The following RGS17 variants were observed in gnomAD, a reference collection of about 807,000 sequenced individuals.
RGS17 encodes the protein regulator of G-protein signaling 17.
RGS17 carries 12 observed loss-of-function variants against 25.5 expected under a neutral mutation model. The ratio of observed to expected loss-of-function variants is 0.47; its 90% CI spans 0.30 to 0.76. RGS17 has a LOEUF of 0.76. Among genes scored for constraint, RGS17 ranks in the 30% least tolerant of loss-of-function variants. RGS17 has a pLI of 0.07. For synonymous variants in RGS17, 71 were observed against 76.9 expected, an observed-to-expected ratio of 0.92 and a Z score of 0.40; for missense variants, 196 against 242.2, an observed-to-expected ratio of 0.81 and a Z score of 1.27.
In RGS17 at chr6:153,128,776, G is replaced by A. The variant is rs376118128; in HGVS notation, c.-26+2348C>T. On this transcript the variant is annotated intron_variant, in intron 1 of 4. Coordinates refer to ENST00000206262, the MANE Select transcript of RGS17 (RefSeq NM_012419.5). ...AATAAGGAACTTAGACCTTAAACAT[G>A]ATGAATTCAAATAAATAAGTACCTC... Among the ~76,000 whole-genome samples, 63 of 152,220 alleles carry A rather than the reference G, an allele frequency of 4.1e-4. 1 individual carries two copies. In the South Asian group the frequency reaches 0.012, roughly 30 times the overall value.
Position 153,096,264 on chromosome 6 carries a change from A to G in RGS17, c.-26+34860T>C, listed in dbSNP as rs368317397. 3.2e-4 allele frequency among the ~76,000 whole-genome samples: 49 copies of G among 152,314 alleles called. 8 individuals are homozygous for G. Among genetic ancestry groups the G allele is most frequent in the Admixed American group, 2.1e-3 (32 of 15,302 alleles). On this transcript the variant is annotated intron_variant, in intron 1 of 4. Coordinates refer to ENST00000206262, the MANE Select transcript of RGS17 (RefSeq NM_012419.5). ...CCAAGAGTAGCAAGTGCTGAGGAAA[A>G]GTGGAGTTCAATGTGGCTGAGGTCT...
At chr6:153,083,209 T>G (rs1253653733) in intron 1 of RGS17, among the ~76,000 whole-genome samples, 2 of 152,226 alleles carry the variant, frequency 1.3e-5, no homozygotes, top group Non-Finnish European at 2.9e-5. Context: ...TTCTCCAAGA[T>G]AAGATTGTAT....
At chr6:153,020,123 T>C (rs1450662036) in intron 4 of RGS17, among the ~76,000 whole-genome samples, 6 of 91,388 alleles carry the variant, frequency 6.6e-5, no homozygotes, top group African/African-American at 2.2e-4. Flanking sequence ...TATATATATA[T>C]ATATATATAT....
rs548443167 is a variant in RGS17, at chr6:153,058,943, G to A, written c.-25-14900C>T. Among the ~76,000 whole-genome samples the A allele has an allele frequency of 2.0e-5, 3 of 150,590 alleles. No homozygotes were observed. The South Asian group carries it at 6.4e-4, about 32-fold the overall frequency. On this transcript the variant is annotated intron_variant, in intron 1 of 4. Coordinates refer to ENST00000206262, the MANE Select transcript of RGS17 (RefSeq NM_012419.5). ...GCCATTTTTATGATTATATTAAAAT[G>A]ATCAGAAATTCAAGAAATAAATTCT...
chr6:153,113,751 A>T (rs1420215857), intron 1 of RGS17, among the ~76,000 whole-genome samples: 1 of 152,234 alleles, frequency 6.6e-6, no homozygotes. Context: ...AGTCCAGTCA[A>T]ATTAGAACTC....
intron 1 of RGS17, among the ~76,000 whole-genome samples, chr6:153,084,969 A>G (rs1777033210): frequency 6.6e-6 from 1 of 152,240 alleles, no homozygotes; most frequent in Admixed American, 6.5e-5. Context: ...TAAATAAGAT[A>G]ACGTTACGAA....
At chr6:153,060,166 G>A (rs1203919865) in intron 1 of RGS17, among the ~76,000 whole-genome samples, 2 of 152,202 alleles carry the variant, frequency 1.3e-5, no homozygotes, top group Non-Finnish European at 2.9e-5. Context: ...GAGTGTCCTA[G>A]TGAAGCCCCA....
rs569818256 is a variant in RGS17 at position 153,006,612 on chromosome 6, G to C, written c.*4962C>G. ...TGAGTAGCTAAATCAGATGTTTAAC[G>C]TATGTTTTGGAAAAAAATAGGGGAA... is the stretch of plus-strand genomic sequence containing the variant. On this transcript the variant is annotated 3_prime_UTR_variant, in exon 5 of 5. Coordinates refer to ENST00000206262, the MANE Select transcript of RGS17 (RefSeq NM_012419.5). 6.6e-6 allele frequency: 1 copy of C among 152,406 alleles called. No homozygotes were observed. The highest frequency in any genetic ancestry group is 1.9e-4 in the East Asian group (1 of 5,194). The allele number at this position is 152,406 out of a possible 1,614,324, so 9.4% of individuals were successfully genotyped here.
chr6:153,118,899 A>C (rs1312807221), intron 1 of RGS17, among the ~76,000 whole-genome samples: 1 of 152,140 alleles, frequency 6.6e-6, no homozygotes, highest in African/African-American at 2.4e-5. Flanking sequence ...CTGGTAAAAA[A>C]AATCTCCACA....
At chr6:153,073,955 A>G (rs1195367761) in intron 1 of RGS17, among the ~76,000 whole-genome samples, 1 of 152,138 alleles carries the variant, frequency 6.6e-6, no homozygotes. Context: ...AAATATAATG[A>G]GAGAGATTTC....
intron 1 of RGS17, among the ~76,000 whole-genome samples, chr6:153,082,781 T>C (rs1481359453): frequency 2.6e-5 from 4 of 152,162 alleles, no homozygotes; most frequent in Non-Finnish European, 4.4e-5. Flanking sequence ...TACAAAAATT[T>C]TGTTCTCATC....
chr6:153,012,173 G>A (rs1428246043), intron 4 of RGS17, among the ~76,000 whole-genome samples: 2 of 152,184 alleles, frequency 1.3e-5, no homozygotes, highest in Non-Finnish European at 2.9e-5. Context: ...TGGCAGAAAA[G>A]AGTTCCCTGG....
intron 1 of RGS17, among the ~76,000 whole-genome samples, chr6:153,085,820 A>G (rs554762354): frequency 2.0e-5 from 3 of 152,326 alleles, no homozygotes; most frequent in African/African-American, 7.2e-5. Context: ...AATAGAGCCC[A>G]TGTACCCAGT....
chr6:153,106,629 G>T (rs1395262210), intron 1 of RGS17, among the ~76,000 whole-genome samples: 1 of 151,738 alleles, frequency 6.6e-6, no homozygotes, highest in African/African-American at 2.4e-5. Context: ...ACATGCCAAT[G>T]ACATTAATTC....
intron 4 of RGS17, among the ~76,000 whole-genome samples, chr6:153,018,890 T>C (rs1490872795): frequency 6.6e-6 from 1 of 152,214 alleles, no homozygotes; most frequent in Non-Finnish European, 1.5e-5. Flanking sequence ...CTGACTTAAA[T>C]CATTGAATGT....
chr6:153,040,985 C>A (rs1260235393), intron 2 of RGS17, among the ~76,000 whole-genome samples: 1 of 129,054 alleles, frequency 7.7e-6, no homozygotes, highest in Non-Finnish European at 1.6e-5. Context: ...TAGCAAGATG[C>A]TGACTCCACT....
chr6:153,067,845 T>C (rs971613995), intron 1 of RGS17, among the ~76,000 whole-genome samples: 1 of 152,154 alleles, frequency 6.6e-6, no homozygotes, highest in Admixed American at 6.5e-5. Context: ...AGACCCAGAA[T>C]TGCCACAGCT....
chr6:153,019,299 C>A (rs1448222179), intron 4 of RGS17, among the ~76,000 whole-genome samples: 2 of 152,150 alleles, frequency 1.3e-5, no homozygotes, highest in African/African-American at 4.8e-5. Flanking sequence ...TGGTTTTCTT[C>A]AATTCAGATA....
chr6:153,050,522 A>T (rs1037518783), intron 1 of RGS17, among the ~76,000 whole-genome samples: 8 of 152,344 alleles, frequency 5.3e-5, no homozygotes, highest in African/African-American at 1.9e-4. Flanking sequence ...AAATGTGGAT[A>T]AAAAAGTATT....
Sources: gnomAD v4.1 joint callset for allele counts (sites outside exome capture counted in the v4.1 genomes callset) on GRCh38, gnomAD v4.1.1 for gene constraint, MANE v1.5 for transcripts, NCBI Gene and HGNC (gene_info 2026-07-23, HGNC 2026-07-21) for gene names.